The following SUPT3H variants were observed in gnomAD, a reference collection of about 807,000 sequenced individuals.
SUPT3H encodes SPT3 homolog, SAGA and STAGA complex component.
SUPT3H carries 44 observed loss-of-function variants against 44.3 expected under a neutral mutation model. That is an observed-to-expected ratio of 0.99 (90% CI 0.78 to 1.28). The LOEUF (loss-of-function observed/expected upper bound fraction) is 1.28. SUPT3H is among the 50% of genes most tolerant of loss of function. The pLI, the probability that SUPT3H is intolerant of heterozygous loss-of-function variation, is 0.00. For synonymous variants in SUPT3H, 124 were observed against 125.6 expected (o/e 0.99, Z 0.09); for missense variants, 380 against 387.1 (o/e 0.98, Z 0.15).
At chr6:45,276,882 T>C (rs1237233746) in intron 2 of SUPT3H, among the ~76,000 whole-genome samples, 3 of 152,186 alleles carry the variant, frequency 2.0e-5, no homozygotes, top group Non-Finnish European at 2.9e-5. Context: ...ACTGTAGCAA[T>C]AGATAACTGA....
intron 3 of SUPT3H, among the ~76,000 whole-genome samples, chr6:45,051,215 T>C (rs2153536244): frequency 6.6e-6 from 1 of 151,680 alleles, no homozygotes; most frequent in East Asian, 1.9e-4. Flanking sequence ...TAAGAACAAG[T>C]GGAGAGGTTG....
At position 45,305,376 on chromosome 6, in the gene SUPT3H, C is replaced by T. The variant is rs73735355; in HGVS notation, c.101+59825G>A. ...TTATTACACATATAAAATGAATGGT[C>T]GTGTTTTGAAATTTTCAAGAAGTTA... On this transcript the variant is annotated intron_variant, in intron 2 of 10. Transcript: ENST00000371459. 3.9e-3 allele frequency among the ~76,000 whole-genome samples: 597 copies of T among 152,264 alleles called. 7 individuals carry two copies. The highest frequency in any genetic ancestry group is 0.014 in the African/African-American group (567 of 41,544).
intron 10 of SUPT3H, among the ~76,000 whole-genome samples, chr6:44,871,072 G>C (rs995288327): frequency 6.7e-6 from 1 of 149,842 alleles, no homozygotes; most frequent in Non-Finnish European, 1.5e-5. Context: ...GGCTGGGGGA[G>C]GGGCGCCCGC....
chr6:44,992,881 G>A lies in SUPT3H; in HGVS notation c.504+10772C>T, dbSNP rs1780780619. ...AATGTTAGAGAATGATTAAAAAACA[G>A]TGCCAGGCTTGGTGCCTCACACCTA... On this transcript the variant is annotated intron_variant, in intron 6 of 10. Transcript: ENST00000371459. Among the ~76,000 whole-genome samples, 3 of 152,202 alleles carry A rather than the reference G, an allele frequency of 2.0e-5. No homozygotes were observed. The South Asian group carries it at 6.2e-4, about 32-fold the overall frequency.
At chr6:45,151,742 A>G (rs562425093) in intron 2 of SUPT3H, among the ~76,000 whole-genome samples, 5 of 152,272 alleles carry the variant, frequency 3.3e-5, no homozygotes, top group Admixed American at 3.3e-4. Flanking sequence ...AATTTATATC[A>G]AGTTTCTCTT....
At chr6:45,373,126 A>T (rs1190060220) in intron 1 of SUPT3H, among the ~76,000 whole-genome samples, 2 of 151,438 alleles carry the variant, frequency 1.3e-5, no homozygotes, top group Non-Finnish European at 2.9e-5. Context: ...TTTGTTTTAA[A>T]TTTTTTCTAG....
chr6:44,845,024 A>G (rs924766722), intron 10 of SUPT3H, among the ~76,000 whole-genome samples: 4 of 152,200 alleles, frequency 2.6e-5, no homozygotes, highest in African/African-American at 9.7e-5. Flanking sequence ...GAAATGAAAC[A>G]CAGCACTTAG....
At chr6:45,219,367 CA>C (rs1428826887) in intron 2 of SUPT3H, among the ~76,000 whole-genome samples, 2 of 150,422 alleles carry the variant, frequency 1.3e-5, no homozygotes, top group African/African-American at 4.9e-5. Flanking sequence ...AGAAAAGACA[CA>C]AATCACAAAC....
At chr6:44,900,554 C>T (rs1764830943) in intron 10 of SUPT3H, among the ~76,000 whole-genome samples, 1 of 152,232 alleles carries the variant, frequency 6.6e-6, no homozygotes, top group Non-Finnish European at 1.5e-5. Flanking sequence ...CCCACCACAA[C>T]TCAAGGAGGC....
chr6:44,902,261 G>C (rs1459409020), intron 10 of SUPT3H, among the ~76,000 whole-genome samples: 1 of 152,154 alleles, frequency 6.6e-6, no homozygotes, highest in Non-Finnish European at 1.5e-5. Flanking sequence ...CCATCAGTGT[G>C]CTGTATTTAG....
chr6:45,230,252 A>G (rs576303539), intron 2 of SUPT3H, among the ~76,000 whole-genome samples: 2 of 152,322 alleles, frequency 1.3e-5, no homozygotes, highest in South Asian at 4.1e-4. Context: ...CATTTGGTCT[A>G]AAGTCTAGTT....
chr6:44,954,726 A>G, intron 7 of SUPT3H, 119 bp from the exon 8 acceptor site: 1 of 637,978 alleles, frequency 1.6e-6, no homozygotes, highest in South Asian at 2.0e-5. Context: ...AATAATGCAC[A>G]TAAAATGCAT....
At chr6:44,910,623 C>T (rs902489736) in intron 10 of SUPT3H, among the ~76,000 whole-genome samples, 5 of 151,848 alleles carry the variant, frequency 3.3e-5, no homozygotes, top group South Asian at 2.1e-4. Flanking sequence ...GAATCTTCTT[C>T]ATAATTAGGC....
intron 9 of SUPT3H, among the ~76,000 whole-genome samples, chr6:44,947,845 G>A (rs1052836069): frequency 9.2e-5 from 14 of 152,098 alleles, no homozygotes; most frequent in African/African-American, 3.1e-4. Context: ...ATTTTAATTT[G>A]ACCAGATTAA....
chr6:45,202,927 T>C (rs1762657551), intron 2 of SUPT3H, among the ~76,000 whole-genome samples: 2 of 151,996 alleles, frequency 1.3e-5, no homozygotes, highest in South Asian at 4.1e-4. Flanking sequence ...TGTATATATA[T>C]ATAAATCACT....
At chr6:45,121,022 TG>T (rs1340024970) in intron 2 of SUPT3H, among the ~76,000 whole-genome samples, 1 of 152,190 alleles carries the variant, frequency 6.6e-6, no homozygotes, top group Non-Finnish European at 1.5e-5. Flanking sequence ...ATTGATACTT[TG>T]GAACAGGTTG....
rs564830496 is a variant in SUPT3H, at chr6:44,896,388, T to C, written c.912+36265A>G. On this transcript the variant is annotated intron_variant, in intron 10 of 10. Transcript: ENST00000371459. The stretch of plus-strand genomic sequence containing the variant: ...ACCTCACATATTTTAATTCATTGAA[T>C]TCTTAACATCCCCAAGAGAAGGCAC... 1.8e-3 allele frequency among the ~76,000 whole-genome samples: 280 copies of C among 152,322 alleles called. 1 individual carries two copies. The highest frequency in any genetic ancestry group is 6.2e-3 in the African/African-American group (259 of 41,578).
intron 2 of SUPT3H, among the ~76,000 whole-genome samples, chr6:45,168,963 T>C (rs1302128098): frequency 6.6e-6 from 1 of 152,200 alleles, no homozygotes; most frequent in African/African-American, 2.4e-5. Context: ...GAAACACAAC[T>C]GGACTCGTTA....
chr6:45,179,609 C>T (rs1342298481), intron 2 of SUPT3H, among the ~76,000 whole-genome samples: 1 of 152,128 alleles, frequency 6.6e-6, no homozygotes, highest in East Asian at 1.9e-4. Flanking sequence ...AGCATATCAA[C>T]GGAACCAAAG....
Sources: allele counts gnomAD v4.1 joint callset (sites outside exome capture counted in the v4.1 genomes callset), GRCh38; gene constraint gnomAD v4.1.1; transcripts MANE v1.5; gene names NCBI Gene and HGNC (gene_info 2026-07-23, HGNC 2026-07-21).